The following FRMD3 variants were observed in gnomAD, a reference collection of about 807,000 sequenced individuals.
FRMD3 encodes FERM domain-containing protein 3.
FRMD3 carries 33 observed loss-of-function variants against 70.2 expected under a neutral mutation model. The ratio of observed to expected loss-of-function variants is 0.47; its 90% CI spans 0.36 to 0.63. FRMD3 has a LOEUF of 0.63. Ranked by LOEUF, FRMD3 falls within the 20% of genes least tolerant of loss-of-function variation. The pLI is 0.00. For missense variants in FRMD3, 632 were observed against 711.4 expected (o/e 0.89, Z 1.27); for synonymous variants, 279 against 255.9 (o/e 1.09, Z -0.86).
intron 1 of FRMD3, among the ~76,000 whole-genome samples, chr9:83,471,862 G>T (rs560372573): frequency 6.6e-6 from 1 of 152,290 alleles, no homozygotes; most frequent in South Asian, 2.1e-4. Context: ...ACTGGACTTG[G>T]AGTTGATCTG....
chr9:83,279,807 CG>C (rs921719812), intron 13 of FRMD3, among the ~76,000 whole-genome samples: 1 of 57,196 alleles, frequency 1.7e-5, no homozygotes, highest in African/African-American at 7.2e-5. Flanking sequence ...AGCAGGGGGT[CG>C]GGGGAGGGAG....
At chr9:83,363,787 C>G (rs1404110078) in intron 3 of FRMD3, among the ~76,000 whole-genome samples, 4 of 152,206 alleles carry the variant, frequency 2.6e-5, no homozygotes, top group Admixed American at 6.5e-5. Flanking sequence ...ATCTCCTGAC[C>G]TCGTGATCCG....
intron 1 of FRMD3, among the ~76,000 whole-genome samples, chr9:83,504,680 T>C (rs577113080): frequency 6.6e-6 from 1 of 152,270 alleles, no homozygotes; most frequent in South Asian, 2.1e-4. Context: ...TAAAGAACAG[T>C]ACCGCTTCCC....
chr9:83,473,542 T>C (rs1302158654), intron 1 of FRMD3, among the ~76,000 whole-genome samples: 1 of 152,174 alleles, frequency 6.6e-6, no homozygotes, highest in Non-Finnish European at 1.5e-5. Flanking sequence ...TCATACACTT[T>C]CTATCTTAGA....
chr9:83,335,673 A>G, intron 5 of FRMD3, 34 bp from the exon 6 acceptor site: 1 of 1,600,326 alleles, frequency 6.2e-7, no homozygotes, highest in Non-Finnish European at 8.5e-7. Flanking sequence ...AGACAGAGAA[A>G]GATTAAAAAC....
At chr9:83,559,928 T>C in the FRMD3 span, among the ~76,000 whole-genome samples, 2 of 152,198 alleles carry the variant, frequency 1.3e-5, no homozygotes, top group East Asian at 3.9e-4. Context: ...CTTATTATAA[T>C]CTTATTATAA....
At chr9:83,583,860 C>G in the FRMD3 span, among the ~76,000 whole-genome samples, 430 of 152,278 alleles carry the variant, frequency 2.8e-3, 1 homozygote, top group Non-Finnish European at 4.9e-3. Flanking sequence ...CTTCCTGCCT[C>G]TGAAGTGCTG....
At chr9:83,315,252 A>G (rs1166889559) in intron 6 of FRMD3, among the ~76,000 whole-genome samples, 1 of 152,084 alleles carries the variant, frequency 6.6e-6, no homozygotes, top group Non-Finnish European at 1.5e-5. Context: ...ATGCTGACTC[A>G]GAGTCTGTAA....
intron 9 of FRMD3, 99 bp from the exon 10 acceptor site, chr9:83,309,723 C>A: frequency 3.0e-6 from 2 of 657,874 alleles, no homozygotes; most frequent in Non-Finnish European, 2.7e-6. Flanking sequence ...TGTATCCTAT[C>A]TCCTATTACA....
At chr9:83,385,401 C>T (rs2131288156) in intron 2 of FRMD3, among the ~76,000 whole-genome samples, 1 of 152,092 alleles carries the variant, frequency 6.6e-6, no homozygotes. Flanking sequence ...CTATCCTTCC[C>T]TATATCAAAT....
chr9:83,539,103 A>C (rs1294796231), upstream of FRMD3, among the ~76,000 whole-genome samples: 1 of 152,172 alleles, frequency 6.6e-6, no homozygotes, highest in African/African-American at 2.4e-5. Flanking sequence ...CTTTGACCCG[A>C]GCAAGAGGGA....
At chr9:83,421,930 A>G (rs1413038425) in intron 1 of FRMD3, among the ~76,000 whole-genome samples, 1 of 152,098 alleles carries the variant, frequency 6.6e-6, no homozygotes, top group Non-Finnish European at 1.5e-5. Flanking sequence ...AAACTGCTGC[A>G]ATTTTAGGGG....
At position 83,245,384 on chromosome 9, in the gene FRMD3, A is replaced by C. The variant is rs763009634; in HGVS notation, c.*2534T>G. On this transcript the variant is annotated 3_prime_UTR_variant, in exon 14 of 14. Coordinates refer to ENST00000304195, the MANE Select transcript of FRMD3 (RefSeq NM_174938.6). Reference sequence around the variant, plus strand: ...GATGTTTCTAAAAGGCTCTGATTCTATGCCGAGCAAATGGCATTTCAAGAT... The same window carrying C: ...GATGTTTCTAAAAGGCTCTGATTCTCTGCCGAGCAAATGGCATTTCAAGAT... 20 of 985,446 alleles carry C rather than the reference A, an allele frequency of 2.0e-5. No individual in the cohort carries two copies. The highest frequency in any genetic ancestry group is 2.4e-5 in the Non-Finnish European group (20 of 829,934). The allele number at this position is 985,446 out of a possible 1,614,324, so 61.0% of individuals were successfully genotyped here.
intron 1 of FRMD3, among the ~76,000 whole-genome samples, chr9:83,417,609 C>G (rs868692588): frequency 1.6e-4 from 25 of 152,208 alleles, no homozygotes; most frequent in African/African-American, 5.5e-4. Flanking sequence ...GAGGAGGTGT[C>G]TAGCAGACAT....
At chr9:83,272,778 G>C (rs1833625461) in intron 13 of FRMD3, among the ~76,000 whole-genome samples, 1 of 146,438 alleles carries the variant, frequency 6.8e-6, no homozygotes, top group African/African-American at 2.6e-5. Context: ...TGTGGGGAGT[G>C]CCTCTGCCCC....
the FRMD3 span, among the ~76,000 whole-genome samples, chr9:83,549,326 T>C: frequency 6.6e-6 from 1 of 152,218 alleles, no homozygotes; most frequent in Non-Finnish European, 1.5e-5. Context: ...GGTGTGTATG[T>C]TCCACATTTT....
the FRMD3 span, among the ~76,000 whole-genome samples, chr9:83,550,115 T>C: frequency 6.6e-6 from 1 of 152,294 alleles, no homozygotes; most frequent in South Asian, 2.1e-4. Flanking sequence ...TTATCTTGAG[T>C]TGACGTTTAG....
intron 6 of FRMD3, among the ~76,000 whole-genome samples, chr9:83,321,605 C>T (rs570944302): frequency 1.3e-5 from 2 of 151,676 alleles, no homozygotes; most frequent in Non-Finnish European, 2.9e-5. Context: ...ACTATATGGT[C>T]TATCTTGGAG....
chr9:83,538,326 T>C lies in FRMD3; in HGVS notation c.-95A>G. 1 of 1,228,914 alleles carries C rather than the reference T, an allele frequency of 8.1e-7. No homozygotes were observed. The highest frequency in any genetic ancestry group is 1.1e-6 in the Non-Finnish European group (1 of 939,744). 76.1% of individuals were successfully genotyped at this position (1,228,914 alleles called of 1,614,324 possible). A position where few individuals can be genotyped will look rare whatever the true frequency, so the allele number is the denominator to read the frequency against. ...GCTCGCACGCACTGTCCGGGACACC[T>C]GGGCGCGGCTCAGCCCCGGGACATC... On this transcript the variant is annotated 5_prime_UTR_variant, in exon 1 of 14. Coordinates refer to ENST00000304195, the MANE Select transcript of FRMD3 (RefSeq NM_174938.6). This position sits in a 1 kb window ranked among gnomAD's most constrained non-coding sequence, Gnocchi z 4.7.
Sources: gnomAD v4.1 joint callset for allele counts (sites outside exome capture counted in the v4.1 genomes callset) on GRCh38, gnomAD v4.1.1 for gene constraint, Gnocchi (gnomAD v3.1) non-coding constraint, MANE v1.5 for transcripts, NCBI Gene and HGNC (gene_info 2026-07-23, HGNC 2026-07-21) for gene names.